Variants in PCSK2 observed in about 807,000 individuals in gnomAD.
PCSK2 encodes the protein proprotein convertase subtilisin/kexin type 2, also known as neuroendocrine convertase 2.
PCSK2 carries 14 observed loss-of-function variants against 69.7 expected under a neutral mutation model. The observed-to-expected ratio is 0.20, with a 90% CI of 0.13 to 0.31. The LOEUF (loss-of-function observed/expected upper bound fraction) is 0.31. Ranked by LOEUF, PCSK2 falls within the 10% of genes least tolerant of loss-of-function variation. The probability of loss-of-function intolerance (pLI) is 1.00; values close to 1 mark genes in which losing one functional copy is unlikely to be tolerated. For synonymous variants in PCSK2, 307 were observed against 320.7 expected, an observed-to-expected ratio of 0.96 and a Z score of 0.46; for missense variants, 544 against 842.5, an observed-to-expected ratio of 0.65 and a Z score of 4.39.
At chr20:17,294,363 C>T (rs977468893) in intron 2 of PCSK2, among the ~76,000 whole-genome samples, 1 of 152,162 alleles carries the variant, frequency 6.6e-6, no homozygotes, top group Non-Finnish European at 1.5e-5. Flanking sequence ...GCCTCGGCCT[C>T]CCAAAGTGCT....
chr20:17,316,371 A>G (rs987586101), intron 2 of PCSK2, among the ~76,000 whole-genome samples: 1 of 152,226 alleles, frequency 6.6e-6, no homozygotes, highest in Admixed American at 6.5e-5. Flanking sequence ...ATGTATGAAT[A>G]TATGTATCAG....
chr20:17,287,771 C>G (rs749399150), intron 2 of PCSK2, among the ~76,000 whole-genome samples: 2 of 152,190 alleles, frequency 1.3e-5, no homozygotes, highest in Non-Finnish European at 2.9e-5. Context: ...AGCCAGTATT[C>G]CCCCAAGCCA....
chr20:17,322,693 T>C (rs1025967824), intron 2 of PCSK2, among the ~76,000 whole-genome samples: 2 of 152,180 alleles, frequency 1.3e-5, no homozygotes, highest in Non-Finnish European at 2.9e-5. Context: ...ACCTTGTTGC[T>C]GCATCTACCA....
At chr20:17,398,754 G>T (rs1238275235) in intron 5 of PCSK2, among the ~76,000 whole-genome samples, 2 of 151,378 alleles carry the variant, frequency 1.3e-5, no homozygotes, top group African/African-American at 4.8e-5. Context: ...TTTGTTGGAG[G>T]TTTGTTTTTT....
At chr20:17,446,074 G>A (rs566178435) in intron 8 of PCSK2, among the ~76,000 whole-genome samples, 1 of 152,330 alleles carries the variant, frequency 6.6e-6, no homozygotes, top group East Asian at 1.9e-4. Context: ...CCTGGGCCCA[G>A]TGAGAAATTC....
chr20:17,330,413 G>A (rs1025323158), intron 2 of PCSK2, among the ~76,000 whole-genome samples: 2 of 151,912 alleles, frequency 1.3e-5, no homozygotes, highest in African/African-American at 4.8e-5. Flanking sequence ...CCAACATGGC[G>A]AAACCCCGTC....
chr20:17,367,977 A>G (rs1343516707), intron 4 of PCSK2, among the ~76,000 whole-genome samples: 1 of 152,194 alleles, frequency 6.6e-6, no homozygotes, highest in Non-Finnish European at 1.5e-5. Context: ...AGCCATAGTG[A>G]CAGCAATTGC....
chr20:17,274,848 T>C (rs1401397197), intron 2 of PCSK2, among the ~76,000 whole-genome samples: 1 of 152,000 alleles, frequency 6.6e-6, no homozygotes. Flanking sequence ...GCAGAGGGGA[T>C]GAGTGGTGGA....
intron 2 of PCSK2, among the ~76,000 whole-genome samples, chr20:17,310,024 C>T (rs1290209016): frequency 1.3e-5 from 2 of 151,960 alleles, no homozygotes; most frequent in Non-Finnish European, 2.9e-5. Context: ...CTGGAAGCTT[C>T]CAATCATGGC....
At chr20:17,334,749 T>G (rs562200902) in intron 2 of PCSK2, among the ~76,000 whole-genome samples, 95 of 152,298 alleles carry the variant, frequency 6.2e-4, no homozygotes, top group African/African-American at 2.2e-3. Context: ...CCCACACATC[T>G]ATTGTATGGG....
At chr20:17,446,008 G>A (rs531376237) in intron 8 of PCSK2, among the ~76,000 whole-genome samples, 1 of 152,300 alleles carries the variant, frequency 6.6e-6, no homozygotes, top group Admixed American at 6.5e-5. Context: ...CTCAATCCTG[G>A]GCAAACCAAG....
At chr20:17,387,986 C>T (rs2031280595) in intron 5 of PCSK2, among the ~76,000 whole-genome samples, 1 of 152,106 alleles carries the variant, frequency 6.6e-6, no homozygotes, top group Non-Finnish European at 1.5e-5. Flanking sequence ...GAGTAGCTAT[C>T]CCTATGCTGA....
At chr20:17,407,965 C>T (rs893286880) in intron 5 of PCSK2, among the ~76,000 whole-genome samples, 3 of 152,062 alleles carry the variant, frequency 2.0e-5, no homozygotes, top group Admixed American at 1.3e-4. Context: ...GATTTTGTCA[C>T]CTAAACAATA....
chr20:17,285,849 C>T (rs139810412), intron 2 of PCSK2, among the ~76,000 whole-genome samples: 2 of 152,192 alleles, frequency 1.3e-5, no homozygotes, highest in Non-Finnish European at 2.9e-5. Flanking sequence ...ACAGACCCAC[C>T]TATGAGTCAG....
chr20:17,431,484 G>T (rs2032366808), intron 7 of PCSK2, among the ~76,000 whole-genome samples: 1 of 152,176 alleles, frequency 6.6e-6, no homozygotes, highest in African/African-American at 2.4e-5. Flanking sequence ...ACGCGACTGG[G>T]CTTCTGTGAA....
At chr20:17,238,645 C>T (rs1241636739) in intron 1 of PCSK2, among the ~76,000 whole-genome samples, 1 of 152,112 alleles carries the variant, frequency 6.6e-6, no homozygotes, top group Non-Finnish European at 1.5e-5. Flanking sequence ...TTGGGTGAGA[C>T]TCCTATAAGT....
rs375983990 is a variant in PCSK2, at chr20:17,481,842, C to T, written c.1689C>T (p.Asp563=). ...TGACCACTCACACGTGGGGGGAAGA[C>T]GCCCGAGGCACCTGGACCCTGGAGC... ...PFMTTHTWGE[D]ARGTWTLELG... Residue 563 remains aspartate, a synonymous_variant, in exon 12 of 12, where the codon GAC becomes GAT. Transcript: ENST00000262545. 43 of 1,614,120 alleles carry T rather than the reference C, an allele frequency of 2.7e-5. No homozygotes were observed. Among genetic ancestry groups the T allele is most frequent in the Middle Eastern group, 1.6e-4 (1 of 6,062 alleles).
chr20:17,391,743 T>C (rs766242485), intron 5 of PCSK2, among the ~76,000 whole-genome samples: 5 of 152,002 alleles, frequency 3.3e-5, no homozygotes, highest in Non-Finnish European at 7.4e-5. Context: ...GACATATGGG[T>C]GCCTGTAGTC....
At chr20:17,458,842 A>T (rs2032967131) in intron 10 of PCSK2, among the ~76,000 whole-genome samples, 1 of 152,174 alleles carries the variant, frequency 6.6e-6, no homozygotes, top group Non-Finnish European at 1.5e-5. Context: ...GTCACAGGAA[A>T]TATTGCTCCC....
Sources: gnomAD v4.1 joint callset for allele counts (sites outside exome capture counted in the v4.1 genomes callset) on GRCh38, gnomAD v4.1.1 for gene constraint, MANE v1.5 for transcripts, NCBI Gene and HGNC (gene_info 2026-07-23, HGNC 2026-07-21) for gene names.